MXD4: variants seen among roughly 807,000 people sequenced by gnomAD.
MXD4 encodes the protein Mad4 homolog.
MXD4 carries 16 observed loss-of-function variants against 24.5 expected under a neutral mutation model. The observed-to-expected ratio is 0.65, with a 90% CI of 0.44 to 0.99. MXD4 has a LOEUF of 0.99. MXD4 is among the 50% of genes least tolerant of loss of function. The probability of loss-of-function intolerance (pLI) is 0.00; values close to 1 mark genes in which losing one functional copy is unlikely to be tolerated. For missense variants in MXD4, 301 were observed against 301.5 expected (o/e 1.00, Z 0.01); for synonymous variants, 164 against 134.2 (o/e 1.22, Z -1.54).
At chr4:2,250,759 T>C (rs1735303298) in intron 5 of MXD4, 58 bp from the exon 6 acceptor site, 14 of 1,571,702 alleles carry the variant, frequency 8.9e-6, no homozygotes, top group Non-Finnish European at 1.2e-5. Flanking sequence ...AGCCCATTTC[T>C]CCCTTTTCTG....
In MXD4 at chr4:2,249,172, T is replaced by C. The variant is rs1430500390; in HGVS notation, c.*1372A>G. The C allele has an allele frequency of 2.0e-5, 3 of 152,476 alleles. No homozygotes were observed. The highest frequency in any genetic ancestry group is 7.2e-5 in the African/African-American group (3 of 41,390). The allele number at this position is 152,476 out of a possible 1,614,324, so 9.4% of individuals were successfully genotyped here. ...GCCGGGAGGGGCTGCCCACAGGAGA[T>C]GGGAGGACAGCACTAGCTGGGCAGG... On this transcript the variant is annotated 3_prime_UTR_variant, in exon 6 of 6. Coordinates refer to ENST00000337190, the MANE Select transcript of MXD4 (RefSeq NM_006454.3).
intron 2 of MXD4, among the ~76,000 whole-genome samples, chr4:2,260,014 G>A (rs1401113857): frequency 6.6e-6 from 1 of 152,236 alleles, no homozygotes; most frequent in Non-Finnish European, 1.5e-5. Context: ...CAGGGGCTCA[G>A]AGATCCTCTG....
chr4:2,260,490 T>G (rs2108791880), intron 2 of MXD4: 1 of 450,020 alleles, frequency 2.2e-6, no homozygotes, highest in South Asian at 1.6e-5. Context: ...GAGCCCCAGC[T>G]CACGCCCCAG....
chr4:2,253,742 G>C (rs1170828311), intron 3 of MXD4: 1 of 152,318 alleles, frequency 6.6e-6, no homozygotes, highest in African/African-American at 2.4e-5. Context: ...CCTGAAGAAG[G>C]AGGGGGCTGC....
At position 2,250,567 on chromosome 4, in the gene MXD4, G is replaced by A; in HGVS notation, c.607C>T (p.Leu203=). ...DSGFGPHCRR[L]GRPALS ...GCCTACGAGAGGGCGGGGCGGCCCA[G>A]CCGCCGGCAGTGGGGCCCGAAGCCA... The change falls in exon 6 of 6, where the codon CTG becomes TTG. Residue 203 remains leucine, a synonymous_variant. Transcript: ENST00000337190. 1.2e-6 allele frequency: 2 copies of A among 1,601,154 alleles called. No homozygotes were observed. Among genetic ancestry groups the A allele is most frequent in the Non-Finnish European group, 1.7e-6 (2 of 1,174,630 alleles).
Position 2,257,986 on chromosome 4 carries a change from G to A in MXD4, c.190C>T (p.His64Tyr). ...GGGAACTGGGGGGTCACTTACCTGT[G>A]CTTTTCTAGCTCGTTGTGTGAAGAC... ...NRSSHNELEKHRRAKLRLYLE... is the reference protein window; with the variant it reads ...NRSSHNELEKYRRAKLRLYLE... Residue 64 changes from histidine to tyrosine, a missense_variant, in exon 3 of 6, where the codon CAC (histidine) becomes TAC (tyrosine). By Grantham distance (83) the His-to-Tyr change is moderately conservative. Coordinates refer to ENST00000337190, the MANE Select transcript of MXD4 (RefSeq NM_006454.3). The A allele has an allele frequency of 6.2e-7, 1 of 1,613,722 alleles. No homozygotes were observed. Among genetic ancestry groups the A allele is most frequent in the Non-Finnish European group, 8.5e-7 (1 of 1,179,940 alleles).
At chr4:2,258,606 A>T (rs1735477401) in intron 2 of MXD4, among the ~76,000 whole-genome samples, 1 of 152,222 alleles carries the variant, frequency 6.6e-6, no homozygotes, top group African/African-American at 2.4e-5. Flanking sequence ...CCAGGCCCTC[A>T]GGACACAGGT....
At chr4:2,251,594 A>G (rs1310594686) in intron 4 of MXD4, among the ~76,000 whole-genome samples, 6 of 152,214 alleles carry the variant, frequency 3.9e-5, no homozygotes, top group Non-Finnish European at 8.8e-5. Context: ...CGTCTCCAGG[A>G]CAGTCCTGCT....
intron 2 of MXD4, chr4:2,259,126 T>TGCCC (rs946998354): frequency 2.1e-4 from 73 of 349,872 alleles, no homozygotes; most frequent in African/African-American, 1.5e-3. Flanking sequence ...GGCCTCTCCC[T>TGCCC]GCCCTCAGGA....
At position 2,250,416 on chromosome 4, in the gene MXD4, C is replaced by G; in HGVS notation, c.*128G>C. On this transcript the variant is annotated 3_prime_UTR_variant, in exon 6 of 6. Transcript: ENST00000337190. ...AAGCGGGCAGTGCCAGGCAGCCCAG[C>G]AGCAGCTGGAGCTTCCAGAATGGCA... The G allele has an allele frequency of 8.0e-7, 1 of 1,246,996 alleles. No homozygotes were observed. Among genetic ancestry groups the G allele is most frequent in the Non-Finnish European group, 1.1e-6 (1 of 929,076 alleles). The allele number at this position is 1,246,996 out of a possible 1,614,324, so 77.2% of individuals were successfully genotyped here. A position where few individuals can be genotyped will look rare whatever the true frequency, so the allele number is the denominator to read the frequency against.
intron 2 of MXD4, among the ~76,000 whole-genome samples, chr4:2,260,977 T>C (rs1735528344): frequency 6.6e-6 from 1 of 152,202 alleles, no homozygotes; most frequent in East Asian, 1.9e-4. Flanking sequence ...CTTCAGGGCT[T>C]CTGCTGCCTG....
In MXD4 at chr4:2,250,561, G is replaced by T. The variant is rs759911747; in HGVS notation, c.613C>A (p.Arg205Ser). The change falls in exon 6 of 6, where the codon CGC becomes AGC. Residue 205 changes from arginine to serine, a missense_variant. Transcript: ENST00000337190. ...GCACGGGCCTACGAGAGGGCGGGGCGGCCCAGCCGCCGGCAGTGGGGCCCG... is the reference window on the plus strand; with the variant it reads ...GCACGGGCCTACGAGAGGGCGGGGCTGCCCAGCCGCCGGCAGTGGGGCCCG... ...GFGPHCRRLGRPALS is the reference protein window; with the variant it reads ...GFGPHCRRLGSPALS 1.3e-6 allele frequency: 2 copies of T among 1,596,900 alleles called. No homozygotes were observed. Among genetic ancestry groups the T allele is most frequent in the African/African-American group, 1.3e-5 (1 of 74,544 alleles).
At position 2,262,062 on chromosome 4, in the gene MXD4, C is replaced by T. The variant is rs1243265581; in HGVS notation, c.-82G>A. ...CGGCCGGCTCCGCTCGCCGCCCACC[C>T]CGCGCGCCCGGCCGCCGCACTTCCA... On this transcript the variant is annotated 5_prime_UTR_variant, in exon 1 of 6. Coordinates refer to ENST00000337190, the MANE Select transcript of MXD4 (RefSeq NM_006454.3). The T allele has an allele frequency of 2.0e-5, 16 of 782,892 alleles. No homozygotes were observed. The highest frequency in any genetic ancestry group is 2.5e-5 in the Non-Finnish European group (16 of 645,374). 48.5% of individuals were successfully genotyped at this position (782,892 alleles called of 1,614,324 possible).
rs1386992623 is a variant in MXD4 at position 2,251,171 on chromosome 4, G to C, written c.385C>G (p.Arg129Gly). 6.2e-7 allele frequency: 1 copy of C among 1,601,976 alleles called. No homozygotes were observed. Among genetic ancestry groups the C allele is most frequent in the Non-Finnish European group, 8.5e-7 (1 of 1,174,166 alleles). The part of the protein sequence containing the change: ...LQQEHRFLKR[R>G]LEQLSVQSVE... ...CTCTGCACCGACAGCTGCTCCAGGC[G>C]CCGCTTCAGGAAACGATGCTCCTGC... Residue 129 changes from arginine to glycine, a missense_variant, in exon 5 of 6, where the codon CGC (arginine) becomes GGC (glycine). Transcript: ENST00000337190.
rs565532062 is a variant in MXD4, at chr4:2,261,986, C to T, written c.-6G>A. Reference sequence around the variant, plus strand: ...AGCAGGGAGTTCAGCTCCATCCTCCCGCCCGCGCCCGTCCGCCCCGGGACG... The same window carrying T: ...AGCAGGGAGTTCAGCTCCATCCTCCTGCCCGCGCCCGTCCGCCCCGGGACG... On this transcript the variant is annotated 5_prime_UTR_variant, in exon 1 of 6. Coordinates refer to ENST00000337190, the MANE Select transcript of MXD4 (RefSeq NM_006454.3). 38 of 1,320,628 alleles carry T rather than the reference C, an allele frequency of 2.9e-5. No individual in the cohort carries two copies. The African/African-American group carries it at 5.4e-4, about 19-fold the overall frequency. 81.8% of individuals were successfully genotyped at this position (1,320,628 alleles called of 1,614,324 possible). A position where few individuals can be genotyped will look rare whatever the true frequency, so the allele number is the denominator to read the frequency against.
intron 3 of MXD4, among the ~76,000 whole-genome samples, chr4:2,255,912 G>T (rs1445295799): frequency 6.6e-6 from 1 of 152,136 alleles, no homozygotes; most frequent in African/African-American, 2.4e-5. Flanking sequence ...GGAGCTGGGG[G>T]TGGCCCAGGA....
At chr4:2,256,683 C>A (rs1310904382) in intron 3 of MXD4, among the ~76,000 whole-genome samples, 1 of 152,144 alleles carries the variant, frequency 6.6e-6, no homozygotes, top group African/African-American at 2.4e-5. Context: ...CAAGAAGGCC[C>A]CATGAGGCCC....
chr4:2,253,063 C>A (rs1735357041), intron 3 of MXD4: 1 of 155,626 alleles, frequency 6.4e-6, no homozygotes, highest in Admixed American at 6.1e-5. Context: ...CTGCCTCATT[C>A]CAGATTCTGT....
chr4:2,262,006 G>C lies in MXD4; in HGVS notation c.-26C>G. On this transcript the variant is annotated 5_prime_UTR_variant, in exon 1 of 6. Transcript: ENST00000337190. ...CCTCCCGCCCGCGCCCGTCCGCCCC[G>C]GGACGGCGGCGGCCGCTGCCCGGCC... 2 of 1,228,940 alleles carry C rather than the reference G, an allele frequency of 1.6e-6. No individual in the cohort carries two copies. The highest frequency in any genetic ancestry group is 2.3e-5 in the South Asian group (1 of 42,764). 76.1% of individuals were successfully genotyped at this position (1,228,940 alleles called of 1,614,324 possible).
Sources: allele counts gnomAD v4.1 joint callset (sites outside exome capture counted in the v4.1 genomes callset), GRCh38; gene constraint gnomAD v4.1.1; transcripts MANE v1.5; gene names NCBI Gene and HGNC (gene_info 2026-07-23, HGNC 2026-07-21).